Variants in RORA observed in about 807,000 individuals in gnomAD.
The protein encoded by RORA is RAR related orphan receptor A, also known as nuclear receptor ROR-alpha.
Under a neutral mutation model 69.5 loss-of-function variants are expected in RORA, and 7 were observed. That is an observed-to-expected ratio of 0.10 (90% CI 0.06 to 0.19). RORA has a LOEUF of 0.19. Ranked by LOEUF, RORA falls within the 10% of genes least tolerant of loss-of-function variation. The pLI, the probability that RORA is intolerant of heterozygous loss-of-function variation, is 1.00. For missense variants in RORA, 457 were observed against 663.0 expected, an observed-to-expected ratio of 0.69 and a Z score of 3.41; for synonymous variants, 261 against 240.8, an observed-to-expected ratio of 1.08 and a Z score of -0.78.
chr15:60,650,576 G>A (rs1409798109), intron 2 of RORA: 1 of 152,152 alleles, frequency 6.6e-6, no homozygotes, highest in Non-Finnish European at 1.5e-5. Context: ...GGGTGAGAAA[G>A]GTTTCTCATG....
intron 1 of RORA, among the ~76,000 whole-genome samples, chr15:60,717,990 G>T (rs7165131): frequency 1.1e-4 from 17 of 151,288 alleles, no homozygotes; most frequent in Admixed American, 1.1e-3. Flanking sequence ...GTAGAGACAG[G>T]GTTTCACCAT....
intron 2 of RORA, chr15:60,592,587 G>T (rs1440288530): frequency 8.2e-7 from 1 of 1,218,580 alleles, no homozygotes. Context: ...CTGACATCAC[G>T]GCCGCCGCTC....
intron 2 of RORA, among the ~76,000 whole-genome samples, chr15:60,601,800 G>T (rs1361826571): frequency 6.6e-6 from 1 of 152,034 alleles, no homozygotes; most frequent in African/African-American, 2.4e-5. Context: ...TGTTATCTAC[G>T]TTTATTAAGT....
chr15:61,098,844 G>T (rs1333530934), intron 1 of RORA, among the ~76,000 whole-genome samples: 9 of 152,166 alleles, frequency 5.9e-5, no homozygotes. Context: ...AATAAGTACT[G>T]CTTAGGAGCA....
intron 1 of RORA, among the ~76,000 whole-genome samples, chr15:61,044,220 G>A (rs1175450507): frequency 6.6e-6 from 1 of 152,172 alleles, no homozygotes; most frequent in African/African-American, 2.4e-5. Flanking sequence ...TGGGAAGTTC[G>A]CTGGTCTAAG....
intron 1 of RORA, among the ~76,000 whole-genome samples, chr15:60,742,592 G>A (rs368907032): frequency 8.5e-4 from 130 of 152,202 alleles, no homozygotes; most frequent in South Asian, 1.2e-3. Context: ...TATTCCTCCC[G>A]TCTAATTGAA....
rs967507850 is a variant in RORA at position 60,489,631 on chromosome 15, G to A, written c.*7824C>T. 1.3e-5 allele frequency: 2 copies of A among 152,200 alleles called. No individual in the cohort carries two copies. The highest frequency in any genetic ancestry group is 2.9e-5 in the Non-Finnish European group (2 of 68,030). 9.4% of individuals were successfully genotyped at this position (152,200 alleles called of 1,614,324 possible). ...GGTCCTTCACTCAGTTCATGGAACTGGTTGAGGTCATACTGAAACAGAACA... is the reference window on the plus strand; with the variant it reads ...GGTCCTTCACTCAGTTCATGGAACTAGTTGAGGTCATACTGAAACAGAACA... On this transcript the variant is annotated 3_prime_UTR_variant, in exon 11 of 11. Transcript: ENST00000335670.
Position 60,779,434 on chromosome 15 carries a change from G to A in RORA, c.167-100748C>T, listed in dbSNP as rs150653277. Among the ~76,000 whole-genome samples the A allele has an allele frequency of 6.3e-4, 96 of 152,272 alleles. 1 individual carries two copies. The East Asian group carries it at 0.013, about 21-fold the overall frequency. ...ATCTCTCCATAAGACTCCCTGAATG[G>A]AGGCTTGGGTTTTACCGGCCCAGCC... On this transcript the variant is annotated intron_variant, in intron 1 of 10. Transcript: ENST00000335670.
intron 2 of RORA, among the ~76,000 whole-genome samples, chr15:60,616,075 A>G (rs998951831): frequency 2.0e-5 from 3 of 152,220 alleles, no homozygotes; most frequent in Non-Finnish European, 4.4e-5. Context: ...ATTATAAAAT[A>G]CCTCAAATTT....
At chr15:60,647,796 A>G (rs1473996958) in intron 2 of RORA, among the ~76,000 whole-genome samples, 1 of 152,220 alleles carries the variant, frequency 6.6e-6, no homozygotes. Context: ...CATTATTGAT[A>G]TAGAGCCTTC....
intron 1 of RORA, among the ~76,000 whole-genome samples, chr15:61,186,455 A>T (rs1167821957): frequency 6.6e-6 from 1 of 152,024 alleles, no homozygotes; most frequent in African/African-American, 2.4e-5. Context: ...AGCCTGGCTA[A>T]CATGGTGGAA....
chr15:60,685,301 T>C (rs1358935447), intron 1 of RORA, among the ~76,000 whole-genome samples: 1 of 152,232 alleles, frequency 6.6e-6, no homozygotes, highest in Non-Finnish European at 1.5e-5. Flanking sequence ...GTGCTCTCCT[T>C]ACTTCTTTTT....
intron 1 of RORA, among the ~76,000 whole-genome samples, chr15:61,101,565 A>C (rs1465851088): frequency 6.6e-6 from 1 of 152,098 alleles, no homozygotes. Context: ...TCTCTCTAAA[A>C]TCGAATCTCC....
intron 1 of RORA, among the ~76,000 whole-genome samples, chr15:61,206,455 C>A (rs1700590780): frequency 6.6e-6 from 1 of 152,168 alleles, no homozygotes; most frequent in Admixed American, 6.5e-5. Flanking sequence ...ACGTGGACAA[C>A]CCCACGACAT....
intron 2 of RORA, among the ~76,000 whole-genome samples, chr15:60,538,221 G>C (rs2066740761): frequency 6.6e-6 from 1 of 152,132 alleles, no homozygotes. Flanking sequence ...ACACCAAAAA[G>C]AAAGCACTGG....
chr15:60,587,580 GA>G (rs767502609), intron 2 of RORA, among the ~76,000 whole-genome samples: 1 of 152,108 alleles, frequency 6.6e-6, no homozygotes, highest in Non-Finnish European at 1.5e-5. Flanking sequence ...ACTCTCTATG[GA>G]GGATTAAATG....
intron 1 of RORA, among the ~76,000 whole-genome samples, chr15:60,701,099 A>G (rs2070975098): frequency 6.6e-6 from 1 of 152,168 alleles, no homozygotes; most frequent in African/African-American, 2.4e-5. Context: ...CTGTCTGTTC[A>G]CTACTCCCAC....
At chr15:60,872,223 A>C (rs983325025) in intron 1 of RORA, among the ~76,000 whole-genome samples, 1 of 152,156 alleles carries the variant, frequency 6.6e-6, no homozygotes, top group Non-Finnish European at 1.5e-5. Flanking sequence ...TATAGAATGA[A>C]TACCTACATC....
chr15:60,542,444 CA>C (rs2140356881), intron 2 of RORA, among the ~76,000 whole-genome samples: 3 of 151,322 alleles, frequency 2.0e-5, no homozygotes, highest in African/African-American at 7.3e-5. Flanking sequence ...CCTCACAGCA[CA>C]GCACACAGGC....
Sources: allele counts gnomAD v4.1 joint callset (sites outside exome capture counted in the v4.1 genomes callset), GRCh38; gene constraint gnomAD v4.1.1; transcripts MANE v1.5; gene names NCBI Gene and HGNC (gene_info 2026-07-23, HGNC 2026-07-21).